Variants in TOX3 observed in about 807,000 individuals in gnomAD.
TOX3 encodes TOX high mobility group box family member 3, also known as CAG trinucleotide repeat-containing gene F9 protein.
Under a neutral mutation model 64.3 loss-of-function variants are expected in TOX3, and 22 were observed. The observed-to-expected ratio is 0.34, with a 90% CI of 0.24 to 0.49. The LOEUF (loss-of-function observed/expected upper bound fraction) is 0.49, where lower values mean the gene tolerates loss of function less well. Ranked by LOEUF, TOX3 falls within the 20% of genes least tolerant of loss-of-function variation. The pLI is 0.99. For synonymous variants in TOX3, 291 were observed against 273.6 expected, an observed-to-expected ratio of 1.06 and a Z score of -0.63; for missense variants, 661 against 714.4, an observed-to-expected ratio of 0.93 and a Z score of 0.85.
intron 1 of TOX3, among the ~76,000 whole-genome samples, chr16:52,522,916 G>A (rs748271021): frequency 1.3e-4 from 20 of 152,158 alleles, no homozygotes; most frequent in Non-Finnish European, 2.5e-4. Flanking sequence ...ATGGATGAAG[G>A]CCTCCTCTAT....
At chr16:52,516,238 T>A (rs1408810008) in intron 1 of TOX3, among the ~76,000 whole-genome samples, 1 of 152,210 alleles carries the variant, frequency 6.6e-6, no homozygotes, top group Non-Finnish European at 1.5e-5. Flanking sequence ...TAATATTTTT[T>A]ATCCATTTTC....
intron 1 of TOX3, among the ~76,000 whole-genome samples, chr16:52,487,591 C>G (rs888722771): frequency 6.6e-6 from 1 of 152,128 alleles, no homozygotes; most frequent in African/African-American, 2.4e-5. Flanking sequence ...AAAGTGACAT[C>G]TACTAAAAGA....
In TOX3 at chr16:52,446,064, T is replaced by A. The variant is rs184096376; in HGVS notation, c.836A>T (p.Asn279Ile). Residue 279 changes from asparagine to isoleucine, a missense_variant, in exon 5 of 7, where the codon AAT becomes ATT. Physicochemically the swap from Asn to Ile is moderately radical, Grantham distance 149. Coordinates refer to ENST00000219746, the MANE Select transcript of TOX3 (RefSeq NM_001080430.4). ...TQAAIKGQNP[N>I]ATFGEVSKIV... Reference sequence around the variant, plus strand: ...TTTTGAGACCTCTCCAAAGGTTGCATTGGGGTTTTGACCTTTAATTGCAGC... The same window carrying A: ...TTTTGAGACCTCTCCAAAGGTTGCAATGGGGTTTTGACCTTTAATTGCAGC... 123 of 1,613,838 alleles carry A rather than the reference T, an allele frequency of 7.6e-5. No homozygotes were observed. Among genetic ancestry groups the A allele is most frequent in the Non-Finnish European group, 9.8e-5 (116 of 1,179,862 alleles).
intron 1 of TOX3, among the ~76,000 whole-genome samples, chr16:52,542,449 A>T (rs1000899509): frequency 6.6e-6 from 1 of 152,246 alleles, no homozygotes; most frequent in African/African-American, 2.4e-5. Flanking sequence ...TTATTCCAAC[A>T]TTTAAAATTC....
chr16:52,540,594 C>T lies in TOX3; in HGVS notation c.87+6043G>A, dbSNP rs1169426078. Among the ~76,000 whole-genome samples, 3 of 152,180 alleles carry T rather than the reference C, an allele frequency of 2.0e-5. No homozygotes were observed. In the East Asian group the frequency reaches 5.8e-4, roughly 29 times the overall value. ...ATCTTCCTCTTTGCTAGTGAGTAGC[C>T]TAGGGTTGGTACGCAACCCATTTCT... On this transcript the variant is annotated intron_variant, in intron 1 of 6. Coordinates refer to ENST00000219746, the MANE Select transcript of TOX3 (RefSeq NM_001080430.4).
chr16:52,509,004 C>T (rs1962232698), intron 1 of TOX3, among the ~76,000 whole-genome samples: 1 of 152,080 alleles, frequency 6.6e-6, no homozygotes, highest in Non-Finnish European at 1.5e-5. Flanking sequence ...TCCAGAAATC[C>T]TGGTTGCTTT....
rs565493226 is a variant in TOX3, at chr16:52,483,928, C to A, written c.88-15354G>T. ...AAATATTTAATTCCTAGTGGTAGAA[C>A]CTGAAGTTAGCACTTAATGTGGTTA... is the stretch of plus-strand genomic sequence containing the variant. On this transcript the variant is annotated intron_variant, in intron 1 of 6. Transcript: ENST00000219746. Among the ~76,000 whole-genome samples, 4 of 152,132 alleles carry A rather than the reference C, an allele frequency of 2.6e-5. No individual in the cohort carries two copies. In the East Asian group the frequency reaches 7.7e-4, roughly 29 times the overall value.
At chr16:52,503,119 A>G (rs565959511) in intron 1 of TOX3, among the ~76,000 whole-genome samples, 43 of 152,348 alleles carry the variant, frequency 2.8e-4, no homozygotes, top group South Asian at 1.4e-3. Flanking sequence ...TATTATTAGT[A>G]TCTACCTTTT....
chr16:52,524,324 A>T (rs954836670), intron 1 of TOX3, among the ~76,000 whole-genome samples: 2 of 152,238 alleles, frequency 1.3e-5, no homozygotes, highest in African/African-American at 4.8e-5. Flanking sequence ...AATAATTCTG[A>T]TAAGACTTTA....
At chr16:52,519,590 G>GAAA in intron 1 of TOX3, 1 of 1,231,468 alleles carries the variant, frequency 8.1e-7, no homozygotes. Context: ...CTGAGCAGAC[G>GAAA]AAAAAAAAAA....
intron 1 of TOX3, among the ~76,000 whole-genome samples, chr16:52,527,349 C>A (rs896217584): frequency 2.0e-5 from 3 of 152,126 alleles, no homozygotes; most frequent in African/African-American, 7.2e-5. Context: ...CAGAACCAGT[C>A]ATTGGTGGTG....
chr16:52,469,761 A>T (rs1264865659), intron 1 of TOX3, among the ~76,000 whole-genome samples: 1 of 152,210 alleles, frequency 6.6e-6, no homozygotes, highest in East Asian at 1.9e-4. Context: ...GAAGACTCAT[A>T]TAATCCTCTT....
intron 1 of TOX3, among the ~76,000 whole-genome samples, chr16:52,525,897 A>G (rs1370102800): frequency 1.3e-5 from 2 of 152,232 alleles, no homozygotes; most frequent in Admixed American, 6.5e-5. Context: ...CCGTTTTTAA[A>G]TAGTGCAAAT....
At chr16:52,489,578 T>G (rs1055901405) in intron 1 of TOX3, among the ~76,000 whole-genome samples, 4 of 152,190 alleles carry the variant, frequency 2.6e-5, no homozygotes, top group Non-Finnish European at 4.4e-5. Context: ...GGAAAGGTTC[T>G]CAGCTTCTTC....
intron 1 of TOX3, among the ~76,000 whole-genome samples, chr16:52,473,463 C>G (rs867827627): frequency 2.0e-5 from 3 of 152,270 alleles, no homozygotes; most frequent in Middle Eastern, 3.4e-3. Flanking sequence ...GGACATCTGT[C>G]AAGTCACTTA....
At chr16:52,469,183 T>A (rs568780519) in intron 1 of TOX3, among the ~76,000 whole-genome samples, 3 of 152,196 alleles carry the variant, frequency 2.0e-5, no homozygotes, top group African/African-American at 7.2e-5. Context: ...CAATGTAACA[T>A]TAAGTGCAAA....
intron 3 of TOX3, among the ~76,000 whole-genome samples, chr16:52,453,188 CT>C (rs11301340): frequency 0.017 from 2,509 of 143,718 alleles, 28 homozygotes; most frequent in Non-Finnish European, 0.025. Context: ...TTTCAGAATG[CT>C]TTTTTTTTTT....
chr16:52,495,038 C>A (rs978388342), intron 1 of TOX3, among the ~76,000 whole-genome samples: 7 of 152,198 alleles, frequency 4.6e-5, no homozygotes, highest in Non-Finnish European at 8.8e-5. Context: ...AAATCCCATC[C>A]ACTTGCTGGG....
rs1567348252 is a variant in TOX3 at position 52,519,986 on chromosome 16, A to G, written c.87+26651T>C. Among the ~76,000 whole-genome samples, 11 of 151,692 alleles carry G rather than the reference A, an allele frequency of 7.3e-5. No individual in the cohort carries two copies. In the South Asian group the frequency reaches 2.1e-3, roughly 29 times the overall value. On this transcript the variant is annotated intron_variant, in intron 1 of 6. Coordinates refer to ENST00000219746, the MANE Select transcript of TOX3 (RefSeq NM_001080430.4). ...ACTCTGTCTCAAAAACAAAAAAAAA[A>G]AAAAAAGAAGAAGAAGAAGGAGAAG...
Sources: allele counts gnomAD v4.1 joint callset (sites outside exome capture counted in the v4.1 genomes callset), GRCh38; gene constraint gnomAD v4.1.1; transcripts MANE v1.5; gene names NCBI Gene and HGNC (gene_info 2026-07-23, HGNC 2026-07-21).